The following LRRTM4 variants were observed in gnomAD, a reference collection of about 807,000 sequenced individuals.
The protein encoded by LRRTM4 is leucine rich repeat transmembrane neuronal 4.
LRRTM4 carries 25 observed loss-of-function variants against 47.6 expected under a neutral mutation model. That is an observed-to-expected ratio of 0.53 (90% CI 0.38 to 0.73). The LOEUF (loss-of-function observed/expected upper bound fraction) is 0.73. LRRTM4 is among the 30% of genes least tolerant of loss of function. The pLI is 0.00. For missense variants in LRRTM4, 638 were observed against 713.4 expected, an observed-to-expected ratio of 0.89 and a Z score of 1.20; for synonymous variants, 311 against 269.5, an observed-to-expected ratio of 1.15 and a Z score of -1.51.
intron 3 of LRRTM4, among the ~76,000 whole-genome samples, chr2:77,178,232 CTA>C (rs928194433): frequency 6.6e-6 from 1 of 152,110 alleles, no homozygotes; most frequent in Non-Finnish European, 1.5e-5. Flanking sequence ...TCAGAGATAA[CTA>C]TTTTCAATAC....
At chr2:77,108,705 T>A (rs1437175653) in intron 3 of LRRTM4, among the ~76,000 whole-genome samples, 1 of 151,350 alleles carries the variant, frequency 6.6e-6, no homozygotes, top group East Asian at 1.9e-4. Context: ...TGCCTCAGCC[T>A]CCCAAGTAGC....
intron 3 of LRRTM4, among the ~76,000 whole-genome samples, chr2:77,203,475 TA>T (rs2103904681): frequency 6.6e-6 from 1 of 152,026 alleles, no homozygotes; most frequent in African/African-American, 2.4e-5. Context: ...CTGCCTTAGG[TA>T]AAGATTGGTG....
intron 3 of LRRTM4, among the ~76,000 whole-genome samples, chr2:76,828,903 A>G (rs2103886492): frequency 6.6e-6 from 1 of 152,064 alleles, no homozygotes; most frequent in South Asian, 2.1e-4. Context: ...ATCCCTAATA[A>G]CTAATCAGAA....
intron 3 of LRRTM4, among the ~76,000 whole-genome samples, chr2:77,041,560 C>A (rs1679035252): frequency 6.6e-6 from 1 of 151,514 alleles, no homozygotes; most frequent in Non-Finnish European, 1.5e-5. Flanking sequence ...TTCTCCACAT[C>A]CTCATGAACA....
chr2:76,862,315 T>G (rs965227947), intron 3 of LRRTM4, among the ~76,000 whole-genome samples: 1 of 152,164 alleles, frequency 6.6e-6, no homozygotes, highest in Non-Finnish European at 1.5e-5. Context: ...AGGCTTGAAT[T>G]AAATGGCAAT....
intron 3 of LRRTM4, among the ~76,000 whole-genome samples, chr2:77,023,145 T>C (rs1678333227): frequency 6.6e-6 from 1 of 152,234 alleles, no homozygotes; most frequent in African/African-American, 2.4e-5. Context: ...GGCTTGGGGT[T>C]TGCACCCTTT....
intron 3 of LRRTM4, among the ~76,000 whole-genome samples, chr2:77,137,921 C>G (rs1671997725): frequency 1.3e-5 from 2 of 152,086 alleles, no homozygotes; most frequent in South Asian, 4.1e-4. Context: ...ACAGGAAGAG[C>G]TAACTATCCT....
At chr2:77,516,745 A>G in intron 3 of LRRTM4, 2 of 967,404 alleles carry the variant, frequency 2.1e-6, no homozygotes, top group South Asian at 9.6e-5. Flanking sequence ...ATTATCTGGG[A>G]TTACTTCTCT....
intron 3 of LRRTM4, among the ~76,000 whole-genome samples, chr2:76,782,464 C>G (rs569010527): frequency 6.6e-6 from 1 of 152,236 alleles, no homozygotes; most frequent in South Asian, 2.1e-4. Context: ...ATGTTTTAAG[C>G]AAATATTCAC....
intron 3 of LRRTM4, among the ~76,000 whole-genome samples, chr2:77,054,144 G>T (rs565309743): frequency 9.1e-4 from 139 of 152,240 alleles, no homozygotes; most frequent in African/African-American, 3.3e-3. Context: ...TCAAGGAGTT[G>T]TTCTGAGGAG....
At chr2:76,930,982 AC>A (rs1674750393) in intron 3 of LRRTM4, among the ~76,000 whole-genome samples, 1 of 152,126 alleles carries the variant, frequency 6.6e-6, no homozygotes, top group Admixed American at 6.6e-5. Context: ...TGTTTATAAA[AC>A]TGTGTCAGCA....
intron 3 of LRRTM4, among the ~76,000 whole-genome samples, chr2:77,419,858 C>G (rs1558735114): frequency 6.6e-6 from 1 of 151,534 alleles, no homozygotes; most frequent in Non-Finnish European, 1.5e-5. Flanking sequence ...TCCAGAAATA[C>G]AAAGGAAAGG....
At chr2:77,022,239 G>A (rs1331318074) in intron 3 of LRRTM4, among the ~76,000 whole-genome samples, 1 of 152,054 alleles carries the variant, frequency 6.6e-6, no homozygotes, top group East Asian at 1.9e-4. Flanking sequence ...ACAGTATGAG[G>A]AAAACCTCCT....
intron 3 of LRRTM4, among the ~76,000 whole-genome samples, chr2:77,098,105 C>T (rs1330589873): frequency 6.6e-6 from 1 of 151,928 alleles, no homozygotes; most frequent in African/African-American, 2.4e-5. Flanking sequence ...TTATTATTCA[C>T]ACTTGCAAAT....
chr2:76,798,906 A>T (rs985387137), intron 3 of LRRTM4, among the ~76,000 whole-genome samples: 1 of 152,164 alleles, frequency 6.6e-6, no homozygotes, highest in African/African-American at 2.4e-5. Flanking sequence ...ACCAGGAAGA[A>T]GTTGAATCTC....
At chr2:76,796,285 CCA>C (rs1675322143) in intron 3 of LRRTM4, among the ~76,000 whole-genome samples, 1 of 127,540 alleles carries the variant, frequency 7.8e-6, no homozygotes. Flanking sequence ...AACAAAGCAG[CCA>C]GGAAGCTCCA....
intron 3 of LRRTM4, among the ~76,000 whole-genome samples, chr2:76,798,182 T>G (rs1217546635): frequency 6.6e-6 from 1 of 152,042 alleles, no homozygotes; most frequent in East Asian, 1.9e-4. Flanking sequence ...TATTCCAAAA[T>G]TGACCACATA....
chr2:77,041,002 G>A (rs1173181111), intron 3 of LRRTM4, among the ~76,000 whole-genome samples: 1 of 151,108 alleles, frequency 6.6e-6, no homozygotes, highest in African/African-American at 2.4e-5. Context: ...ATCCTATTGT[G>A]CACAGAACAA....
chr2:77,199,241 C>T (rs562543761), intron 3 of LRRTM4, among the ~76,000 whole-genome samples: 1 of 152,246 alleles, frequency 6.6e-6, no homozygotes, highest in African/African-American at 2.4e-5. Context: ...TCTTACTATG[C>T]ACCAGGTAAT....
Sources: gnomAD v4.1 joint callset for allele counts (sites outside exome capture counted in the v4.1 genomes callset) on GRCh38, gnomAD v4.1.1 for gene constraint, MANE v1.5 for transcripts, NCBI Gene and HGNC (gene_info 2026-07-23, HGNC 2026-07-21) for gene names.